The following ANKS1A variants were observed in gnomAD, a reference collection of about 807,000 sequenced individuals.
The protein encoded by ANKS1A is ankyrin repeat and sterile alpha motif domain containing 1A, also known as ankyrin repeat and SAM domain-containing protein 1A.
Under a neutral mutation model 120.3 loss-of-function variants are expected in ANKS1A, and 55 were observed. That is an observed-to-expected ratio of 0.46 (90% CI 0.37 to 0.57). ANKS1A has a LOEUF of 0.57. ANKS1A is among the 20% of genes least tolerant of loss of function. ANKS1A has a pLI of 0.00. For missense variants in ANKS1A, 1,123 were observed against 1,480.3 expected (o/e 0.76, Z 3.96); for synonymous variants, 590 against 604.7 (o/e 0.98, Z 0.36).
Position 34,889,887 on chromosome 6 carries a change from G to A in ANKS1A, c.197+288G>A, listed in dbSNP as rs570236564. ...GCACAGCCAGGGTTCACTCTCGCTC[G>A]CTACAGGGTGCCAGCTATCGTAGCT... On this transcript the variant is annotated intron_variant, in intron 1 of 23. Transcript: ENST00000360359. This position sits in a 1 kb window ranked among gnomAD's most constrained non-coding sequence, Gnocchi z 5.5. 3.7e-4 allele frequency among the ~76,000 whole-genome samples: 57 copies of A among 152,250 alleles called. No homozygotes were observed. Among genetic ancestry groups the A allele is most frequent in the Non-Finnish European group, 6.9e-4 (47 of 68,020 alleles).
In ANKS1A at chr6:35,089,404, A is replaced by G. The variant is rs1268351252; in HGVS notation, c.*795A>G. 1 of 986,760 alleles carries G rather than the reference A, an allele frequency of 1.0e-6. No individual in the cohort carries two copies. The highest frequency in any genetic ancestry group is 1.2e-6 in the Non-Finnish European group (1 of 830,642). The allele number at this position is 986,760 out of a possible 1,614,324, so 61.1% of individuals were successfully genotyped here. ...CCTCTTACCTGTCAGTGATCGGAGC[A>G]CTGCCCTGGGCTGGCCGGCGCCGTA... On this transcript the variant is annotated 3_prime_UTR_variant, in exon 24 of 24. Coordinates refer to ENST00000360359, the MANE Select transcript of ANKS1A (RefSeq NM_015245.3).
intron 11 of ANKS1A, among the ~76,000 whole-genome samples, chr6:35,039,192 C>CTTTTTTTTTTTTTTTTTTTTTTTTT (rs35565672): frequency 1.2e-5 from 1 of 83,790 alleles, no homozygotes; most frequent in Non-Finnish European, 2.1e-5. Flanking sequence ...CTCCCTCATA[C>CTTTTTTTTTTTTTTTTTTTTTTTTT]TTTTTTTTTT....
intron 11 of ANKS1A, among the ~76,000 whole-genome samples, chr6:35,041,385 C>G (rs74391999): frequency 6.6e-6 from 1 of 152,176 alleles, no homozygotes; most frequent in Non-Finnish European, 1.5e-5. Context: ...GTGGGCAGCT[C>G]GGGGGTCTCC....
intron 7 of ANKS1A, 25 bp from the exon 8 acceptor site, chr6:34,985,057 C>T (rs769081185): frequency 2.5e-6 from 4 of 1,601,226 alleles, no homozygotes; most frequent in African/African-American, 1.3e-5. Flanking sequence ...TTCAGTGACT[C>T]TCTTGCCCTC....
Position 35,084,897 on chromosome 6 carries a change from C to T in ANKS1A, c.3132+639C>T, listed in dbSNP as rs1777884616. Among the ~76,000 whole-genome samples the T allele has an allele frequency of 6.6e-6, 1 of 152,194 alleles. No individual in the cohort carries two copies. Among genetic ancestry groups the T allele is most frequent in the Non-Finnish European group, 1.5e-5 (1 of 68,028 alleles). ...AACTGACAGCCCACAGGCGGGGGTT[C>T]CCTCTAACCTGCAACAAAGCATGAG... On this transcript the variant is annotated intron_variant, in intron 21 of 23. Coordinates refer to ENST00000360359, the MANE Select transcript of ANKS1A (RefSeq NM_015245.3). The surrounding 1 kb of genome is among the most constrained non-coding windows in gnomAD (Gnocchi z 4.8).
At chr6:35,059,666 G>A (rs980227371) in intron 12 of ANKS1A, among the ~76,000 whole-genome samples, 1 of 152,194 alleles carries the variant, frequency 6.6e-6, no homozygotes, top group African/African-American at 2.4e-5. Flanking sequence ...CCTCGCCACG[G>A]CCCCACAGGG....
At chr6:34,900,636 G>T (rs1767301497) in intron 1 of ANKS1A, among the ~76,000 whole-genome samples, 1 of 152,102 alleles carries the variant, frequency 6.6e-6, no homozygotes, top group Admixed American at 6.5e-5. Context: ...CCATTTTACT[G>T]GTGAGGAAAC....
At chr6:35,029,243 A>G (rs1405992947) in intron 11 of ANKS1A, among the ~76,000 whole-genome samples, 1 of 149,270 alleles carries the variant, frequency 6.7e-6, no homozygotes, top group Non-Finnish European at 1.5e-5. Context: ...CCCTTTATCT[A>G]TGATATGATT....
intron 1 of ANKS1A, among the ~76,000 whole-genome samples, chr6:34,944,069 C>G (rs1016162074): frequency 2.6e-5 from 4 of 152,102 alleles, no homozygotes; most frequent in African/African-American, 9.7e-5. Context: ...GTCAGGAGAT[C>G]GAGACCATCC....
chr6:34,905,990 A>T (rs905097766), intron 1 of ANKS1A, among the ~76,000 whole-genome samples: 3 of 152,104 alleles, frequency 2.0e-5, no homozygotes, highest in Non-Finnish European at 4.4e-5. Flanking sequence ...GTCTCCAGGA[A>T]CTTTTCTCTC....
At position 35,089,611 on chromosome 6, in the gene ANKS1A, T is replaced by C; in HGVS notation, c.*1002T>C. 1.0e-6 allele frequency: 1 copy of C among 986,868 alleles called. No individual in the cohort carries two copies. Among genetic ancestry groups the C allele is most frequent in the Non-Finnish European group, 1.2e-6 (1 of 830,690 alleles). The allele number at this position is 986,868 out of a possible 1,614,324, so 61.1% of individuals were successfully genotyped here. Reference sequence around the variant, plus strand: ...CGGTTACACTTGGCTGCTGGGCCCATCCCTGGCCCCCGGTGTGGAAAAGGC... The same window carrying C: ...CGGTTACACTTGGCTGCTGGGCCCACCCCTGGCCCCCGGTGTGGAAAAGGC... On this transcript the variant is annotated 3_prime_UTR_variant, in exon 24 of 24. Transcript: ENST00000360359.
At chr6:34,959,875 C>T (rs1271363401) in intron 1 of ANKS1A, among the ~76,000 whole-genome samples, 2 of 152,184 alleles carry the variant, frequency 1.3e-5, no homozygotes, top group Admixed American at 1.3e-4. Flanking sequence ...AGTTTCTGAT[C>T]ACCTCAGTTT....
rs184810223 is a variant in ANKS1A at position 35,049,393 on chromosome 6, G to A, written c.2011-4706G>A. ...TATGGTGGGATCTAAAGAAAACAGC[G>A]TGGCGCAGGGTCCTTACCCTGAATG... On this transcript the variant is annotated intron_variant, in intron 11 of 23. Coordinates refer to ENST00000360359, the MANE Select transcript of ANKS1A (RefSeq NM_015245.3). Among the ~76,000 whole-genome samples the A allele has an allele frequency of 1.1e-3, 171 of 152,306 alleles. 1 individual carries two copies. Among genetic ancestry groups the A allele is most frequent in the Admixed American group, 4.8e-3 (73 of 15,296 alleles).
chr6:34,980,013 G>A (rs1771821612), intron 3 of ANKS1A, among the ~76,000 whole-genome samples: 1 of 152,238 alleles, frequency 6.6e-6, no homozygotes, highest in Non-Finnish European at 1.5e-5. Flanking sequence ...GGAAACTCAT[G>A]GCATAGCTTA....
intron 1 of ANKS1A, among the ~76,000 whole-genome samples, chr6:34,937,404 T>G (rs147788415): frequency 6.6e-6 from 1 of 152,104 alleles, no homozygotes; most frequent in African/African-American, 2.4e-5. Context: ...TTATTTTACT[T>G]CTCTAAGACT....
intron 1 of ANKS1A, among the ~76,000 whole-genome samples, chr6:34,927,586 G>A (rs1768779411): frequency 6.6e-6 from 1 of 152,126 alleles, no homozygotes; most frequent in South Asian, 2.1e-4. Context: ...TGTGGCACGG[G>A]TCGGAAAGCC....
chr6:34,906,208 C>T (rs1767639902), intron 1 of ANKS1A, among the ~76,000 whole-genome samples: 2 of 152,268 alleles, frequency 1.3e-5, no homozygotes, highest in Middle Eastern at 3.4e-3. Flanking sequence ...AGGAAAGGTG[C>T]ATCAGTGTGT....
chr6:35,061,051 C>A (rs776351915), intron 13 of ANKS1A, among the ~76,000 whole-genome samples: 3 of 152,188 alleles, frequency 2.0e-5, no homozygotes, highest in African/African-American at 7.2e-5. Context: ...TTCTCACTAG[C>A]GCTTACTGTG....
At chr6:34,976,647 A>T (rs1771603554) in intron 3 of ANKS1A, among the ~76,000 whole-genome samples, 1 of 152,110 alleles carries the variant, frequency 6.6e-6, no homozygotes, top group South Asian at 2.1e-4. Context: ...GCTTCTAAAA[A>T]ACTTTTTATT....
Sources: allele counts gnomAD v4.1 joint callset (sites outside exome capture counted in the v4.1 genomes callset), GRCh38; gene constraint gnomAD v4.1.1; non-coding constraint Gnocchi (gnomAD v3.1); transcripts MANE v1.5; gene names NCBI Gene and HGNC (gene_info 2026-07-23, HGNC 2026-07-21).